Variants in DPH6 observed in about 807,000 individuals in gnomAD.
DPH6 encodes diphthamine biosynthesis 6.
DPH6 carries 33 observed loss-of-function variants against 38.2 expected under a neutral mutation model. That is an observed-to-expected ratio of 0.86 (90% CI 0.65 to 1.15). DPH6 has a LOEUF of 1.15. Ranked by LOEUF, DPH6 falls within the 50% of genes most tolerant of loss-of-function variation. The pLI, the probability that DPH6 is intolerant of heterozygous loss-of-function variation, is 0.00. For synonymous variants in DPH6, 108 were observed against 103.0 expected, an observed-to-expected ratio of 1.05 and a Z score of -0.30; for missense variants, 325 against 320.0, an observed-to-expected ratio of 1.02 and a Z score of -0.12.
At chr15:35,465,067 T>C (rs907457490) in intron 3 of DPH6, among the ~76,000 whole-genome samples, 1 of 152,190 alleles carries the variant, frequency 6.6e-6, no homozygotes, top group Non-Finnish European at 1.5e-5. Flanking sequence ...TACTGAAATG[T>C]TGGCTCACAG....
chr15:35,227,880 C>A (rs977840067), intron 3 of DPH6, among the ~76,000 whole-genome samples: 1 of 151,988 alleles, frequency 6.6e-6, no homozygotes, highest in Admixed American at 6.6e-5. Flanking sequence ...TCCTTATTGA[C>A]CCATTGATCA....
chr15:35,529,706 C>T (rs1460880252), intron 3 of DPH6, among the ~76,000 whole-genome samples: 1 of 152,006 alleles, frequency 6.6e-6, no homozygotes, highest in African/African-American at 2.4e-5. Flanking sequence ...AATACTGGTA[C>T]ATTATAAGCA....
rs1470508192 is a variant in DPH6 at position 35,268,035 on chromosome 15, T to TACA, written n.201-47454_201-47453insTGT. On this transcript the variant is annotated intron_variant and non_coding_transcript_variant, in intron 3 of 3. Coordinates refer to the DPH6 transcript ENST00000560386. ...AATACAAAATATTAGCCGGGCGTGG[T>TACA]GGCAGGCGCCTGTAGTCCCTGCTAC... Among the ~76,000 whole-genome samples, 9 of 152,104 alleles carry TACA rather than the reference T, an allele frequency of 5.9e-5. No individual in the cohort carries two copies. In the South Asian group the frequency reaches 1.9e-3, roughly 32 times the overall value.
Position 35,246,139 on chromosome 15 carries a change from C to A in DPH6, n.201-25557G>T, listed in dbSNP as rs183989272. ...CCCAAATCCTATAAAACGGCCCCAC[C>A]CCTATCTCCCTTTGCTGACTCTCTT... is the stretch of plus-strand genomic sequence containing the variant. On this transcript the variant is annotated intron_variant and non_coding_transcript_variant, in intron 3 of 3. Coordinates refer to the DPH6 transcript ENST00000560386. 3.9e-5 allele frequency among the ~76,000 whole-genome samples: 6 copies of A among 152,274 alleles called. No individual in the cohort carries two copies. In the East Asian group the frequency reaches 1.2e-3, roughly 29 times the overall value.
intron 3 of DPH6, among the ~76,000 whole-genome samples, chr15:35,516,436 G>C (rs1001627582): frequency 6.6e-6 from 1 of 152,122 alleles, no homozygotes; most frequent in Non-Finnish European, 1.5e-5. Flanking sequence ...ATGACCCTAT[G>C]TTGTACGTAC....
chr15:35,222,231 T>C (rs1566842661), intron 3 of DPH6, among the ~76,000 whole-genome samples: 1 of 152,218 alleles, frequency 6.6e-6, no homozygotes, highest in Admixed American at 6.5e-5. Flanking sequence ...CATGACAATA[T>C]AGGCTTTTTC....
intron 5 of DPH6, among the ~76,000 whole-genome samples, chr15:35,445,007 C>G (rs1252648222): frequency 6.6e-6 from 1 of 152,104 alleles, no homozygotes; most frequent in Non-Finnish European, 1.5e-5. Flanking sequence ...AGTTTGCACA[C>G]ATACAAAAAA....
rs913301509 is a variant in DPH6, at chr15:35,436,430, C to T, written c.505+14255G>A. Among the ~76,000 whole-genome samples, 25 of 148,156 alleles carry T rather than the reference C, an allele frequency of 1.7e-4. 1 individual carries two copies. Among genetic ancestry groups the T allele is most frequent in the African/African-American group, 6.3e-4 (25 of 39,620 alleles). ...GCAATGAGCCGAGATGGCGCCACTG[C>T]GCTCCAGCCTGGGAGACAGAGTGAG... On this transcript the variant is annotated intron_variant, in intron 5 of 8. Coordinates refer to ENST00000256538, the MANE Select transcript of DPH6 (RefSeq NM_080650.4).
chr15:35,511,693 G>A (rs1595431681), intron 3 of DPH6, among the ~76,000 whole-genome samples: 2 of 151,574 alleles, frequency 1.3e-5, no homozygotes, highest in South Asian at 2.1e-4. Context: ...AAACTACCAA[G>A]AGATTATCAT....
chr15:35,175,258 T>C, the DPH6 span, among the ~76,000 whole-genome samples: 4,084 of 152,348 alleles, frequency 0.027, 280 homozygotes, highest in East Asian at 0.3. Flanking sequence ...ACACTCACCC[T>C]GTTTTCAATT....
chr15:35,215,246 T>C (rs1022402061), downstream of DPH6, among the ~76,000 whole-genome samples: 9 of 152,238 alleles, frequency 5.9e-5, no homozygotes, highest in African/African-American at 1.9e-4. Context: ...AATATTTATA[T>C]AACTTATCTT....
At chr15:35,263,927 A>G (rs554430292) in intron 3 of DPH6, among the ~76,000 whole-genome samples, 14 of 151,920 alleles carry the variant, frequency 9.2e-5, no homozygotes, top group Non-Finnish European at 1.9e-4. Flanking sequence ...GTTAGCCAGG[A>G]TGGTCTCGAT....
At chr15:35,543,842 C>T (rs748418796) in intron 1 of DPH6, among the ~76,000 whole-genome samples, 47 of 152,246 alleles carry the variant, frequency 3.1e-4, no homozygotes, top group Non-Finnish European at 5.9e-4. Flanking sequence ...TGCTCTGATT[C>T]CCCAGGATAA....
chr15:35,213,452 T>A (rs1411855134), downstream of DPH6, among the ~76,000 whole-genome samples: 1 of 152,260 alleles, frequency 6.6e-6, no homozygotes, highest in Admixed American at 6.5e-5. Flanking sequence ...TGTTTACACT[T>A]ATTTGTATTT....
chr15:35,423,242 A>T (rs966190292), intron 5 of DPH6, among the ~76,000 whole-genome samples: 2 of 151,652 alleles, frequency 1.3e-5, no homozygotes, highest in Non-Finnish European at 3.0e-5. Flanking sequence ...TCATTCTAAC[A>T]GGTGTGACGT....
At chr15:35,392,949 A>G (rs982951619) in intron 6 of DPH6, among the ~76,000 whole-genome samples, 3 of 152,224 alleles carry the variant, frequency 2.0e-5, no homozygotes, top group Non-Finnish European at 4.4e-5. Flanking sequence ...TAGCTGGAGC[A>G]TAACTGGATG....
the DPH6 span, among the ~76,000 whole-genome samples, chr15:35,186,204 TAAATTGGAAG>T: frequency 1.3e-5 from 2 of 152,090 alleles, no homozygotes; most frequent in East Asian, 3.9e-4. Flanking sequence ...TGCAACCTCC[TAAATTGGAAG>T]AAAGCCTGTA....
downstream of DPH6, among the ~76,000 whole-genome samples, chr15:35,326,025 A>T (rs1156334889): frequency 6.6e-6 from 1 of 152,222 alleles, no homozygotes; most frequent in Non-Finnish European, 1.5e-5. Flanking sequence ...CAGAATAGAA[A>T]AAATTTTAAA....
intron 5 of DPH6, among the ~76,000 whole-genome samples, chr15:35,423,906 C>T (rs1443888777): frequency 2.6e-5 from 4 of 151,696 alleles, no homozygotes; most frequent in Non-Finnish European, 5.9e-5. Flanking sequence ...TCTAGGCTCT[C>T]TATTCTATTC....
Sources: gnomAD v4.1 joint callset for allele counts (sites outside exome capture counted in the v4.1 genomes callset) on GRCh38, gnomAD v4.1.1 for gene constraint, MANE v1.5 for transcripts, NCBI Gene and HGNC (gene_info 2026-07-23, HGNC 2026-07-21) for gene names.